WDR82: variants seen among roughly 807,000 people sequenced by gnomAD.
The protein encoded by WDR82 is WD repeat domain 82.
WDR82 carries 8 observed loss-of-function variants against 36.1 expected under a neutral mutation model. That is an observed-to-expected ratio of 0.22 (90% CI 0.13 to 0.40). The LOEUF (loss-of-function observed/expected upper bound fraction) is 0.40. Ranked by LOEUF, WDR82 falls within the 10% of genes least tolerant of loss-of-function variation. WDR82 has a pLI of 1.00. For missense variants in WDR82, 185 were observed against 400.5 expected (o/e 0.46, Z 4.59); for synonymous variants, 129 against 137.8 (o/e 0.94, Z 0.45).
At chr3:52,267,039 TATG>T (rs748091001) in intron 2 of WDR82, 21 bp from the exon 3 acceptor site, 2 of 1,578,738 alleles carry the variant, frequency 1.3e-6, no homozygotes, top group African/African-American at 1.4e-5. Context: ...ACAAACAAGG[TATG>T]ATGATATCAT....
chr3:52,273,537 C>T (rs1296409350), intron 1 of WDR82, among the ~76,000 whole-genome samples: 1 of 152,044 alleles, frequency 6.6e-6, no homozygotes, highest in Non-Finnish European at 1.5e-5. Context: ...GTCTATTTGT[C>T]TCAAATTTAT....
rs112084287 is a variant in WDR82, at chr3:52,271,438, C to T, written c.162-629G>A. On this transcript the variant is annotated intron_variant, in intron 1 of 8. Transcript: ENST00000296490. Reference sequence around the variant, plus strand: ...TGCAACAAAAACTCACGTGATGATCCCCATCTAAGTGATGCATGGCTGTAC... The same window carrying T: ...TGCAACAAAAACTCACGTGATGATCTCCATCTAAGTGATGCATGGCTGTAC... Among the ~76,000 whole-genome samples, 1,476 of 152,222 alleles carry T rather than the reference C, an allele frequency of 9.7e-3. 20 individuals carry two copies. The highest frequency in any genetic ancestry group is 0.033 in the African/African-American group (1,372 of 41,526).
chr3:52,257,912 G>C (rs773999375), intron 8 of WDR82, among the ~76,000 whole-genome samples: 5 of 151,564 alleles, frequency 3.3e-5, no homozygotes, highest in Non-Finnish European at 7.4e-5. Context: ...TGGTTTTGCT[G>C]TATTTTTTCT....
In WDR82 at chr3:52,259,705, C is replaced by T. The variant is rs1355457947; in HGVS notation, c.699+12G>A. 6.2e-7 allele frequency: 1 copy of T among 1,607,726 alleles called. No individual in the cohort carries two copies. The highest frequency in any genetic ancestry group is 1.3e-5 in the African/African-American group (1 of 74,722). On this transcript the variant is annotated intron_variant, in intron 6 of 8. Transcript: ENST00000296490. Reference sequence around the variant, plus strand: ...GCATGGAAACAGCCATGCTTGAAGGCTGTCAGCTCACCCCAAATGTGTGCA... The same window carrying T: ...GCATGGAAACAGCCATGCTTGAAGGTTGTCAGCTCACCCCAAATGTGTGCA...
chr3:52,275,633 C>A (rs543868232), intron 1 of WDR82, among the ~76,000 whole-genome samples: 14 of 152,188 alleles, frequency 9.2e-5, no homozygotes, highest in Non-Finnish European at 1.8e-4. Context: ...TGCCTGGAAT[C>A]CCAGCACTTT....
chr3:52,278,162 G>T, intron 1 of WDR82, 39 bp downstream of exon 1: 2 of 1,530,424 alleles, frequency 1.3e-6, no homozygotes, highest in Non-Finnish European at 1.8e-6. Context: ...ACCGGAGGGA[G>T]GCACTGAGAC....
chr3:52,258,003 G>A (rs902598300), intron 8 of WDR82, among the ~76,000 whole-genome samples: 6 of 151,992 alleles, frequency 3.9e-5, no homozygotes, highest in Admixed American at 6.6e-5. Context: ...TCTCATCCCC[G>A]AATACCCAGG....
chr3:52,261,732 C>T (rs1700063401), intron 3 of WDR82, among the ~76,000 whole-genome samples: 1 of 152,050 alleles, frequency 6.6e-6, no homozygotes, highest in African/African-American at 2.4e-5. Context: ...CAATGAAATA[C>T]TACTCCACAC....
Position 52,278,567 on chromosome 3 carries a change from C to A in WDR82, c.-206G>T. 4.7e-6 allele frequency: 2 copies of A among 428,332 alleles called. No individual in the cohort carries two copies. The highest frequency in any genetic ancestry group is 7.9e-6 in the Non-Finnish European group (2 of 253,634). 26.5% of individuals were successfully genotyped at this position (428,332 alleles called of 1,614,324 possible). ...GGACTGTGGAGCCTCGCCGACCGTT[C>A]GTCCTCACAGCCACCTCACGGACAA... On this transcript the variant is annotated 5_prime_UTR_variant, in exon 1 of 9. Transcript: ENST00000296490.
chr3:52,272,373 A>G (rs1164954677), intron 1 of WDR82, among the ~76,000 whole-genome samples: 1 of 151,738 alleles, frequency 6.6e-6, no homozygotes, highest in East Asian at 1.9e-4. Context: ...GCGAAACGCT[A>G]TCTCTACTAA....
intron 1 of WDR82, 126 bp from the exon 2 acceptor site, chr3:52,270,935 G>T: frequency 1.7e-6 from 1 of 597,224 alleles, no homozygotes; most frequent in African/African-American, 1.9e-5. Context: ...TCTAACACTG[G>T]AAAGAAACAA....
Position 52,261,376 on chromosome 3 carries a change from T to C in WDR82, c.426+4A>G. Reference sequence around the variant, plus strand: ...CAAAAAGTATAACTGTGAGGTACCATTACCTGGCAGTTAGGAGACCGGAGA... The same window carrying C: ...CAAAAAGTATAACTGTGAGGTACCACTACCTGGCAGTTAGGAGACCGGAGA... On this transcript the variant is annotated splice_donor_region_variant and intron_variant, in intron 4 of 8. Transcript: ENST00000296490. 2 of 1,609,738 alleles carry C rather than the reference T, an allele frequency of 1.2e-6. No homozygotes were observed. The highest frequency in any genetic ancestry group is 1.7e-6 in the Non-Finnish European group (2 of 1,178,212).
rs1280414406 is a variant in WDR82, at chr3:52,255,810, T to C, written c.*1680A>G. The C allele has an allele frequency of 6.6e-6, 1 of 152,198 alleles. No homozygotes were observed. The highest frequency in any genetic ancestry group is 2.4e-5 in the African/African-American group (1 of 41,434). The allele number at this position is 152,198 out of a possible 1,614,324, so 9.4% of individuals were successfully genotyped here. A position where few individuals can be genotyped will look rare whatever the true frequency, so the allele number is the denominator to read the frequency against. On this transcript the variant is annotated 3_prime_UTR_variant, in exon 9 of 9. Transcript: ENST00000296490. ...TAGTAAAATGACATACTCCTCTCTC[T>C]GCTCTAAGAAGGCCATGAGCCAGCT...
In WDR82 at chr3:52,255,081, T is replaced by C. The variant is rs559323870; in HGVS notation, c.*2409A>G. ...CCTCAGCCTCCCAAGTAGCTGAGAT[T>C]ATAGGCGCATGCCACCACGCCCGGC... is the stretch of plus-strand genomic sequence containing the variant. On this transcript the variant is annotated 3_prime_UTR_variant, in exon 9 of 9. Transcript: ENST00000296490. 1 of 152,382 alleles carries C rather than the reference T, an allele frequency of 6.6e-6. No individual in the cohort carries two copies. The highest frequency in any genetic ancestry group is 2.4e-5 in the African/African-American group (1 of 41,488). 9.4% of individuals were successfully genotyped at this position (152,382 alleles called of 1,614,324 possible). A position where few individuals can be genotyped will look rare whatever the true frequency, so the allele number is the denominator to read the frequency against.
At chr3:52,257,947 A>G (rs1227528364) in intron 8 of WDR82, among the ~76,000 whole-genome samples, 1 of 152,210 alleles carries the variant, frequency 6.6e-6, no homozygotes, top group Non-Finnish European at 1.5e-5. Flanking sequence ...GGTTAAAAAA[A>G]AAAAGCAAGG....
At chr3:52,263,109 C>A (rs1290428620) in intron 3 of WDR82, among the ~76,000 whole-genome samples, 1 of 152,208 alleles carries the variant, frequency 6.6e-6, no homozygotes, top group Non-Finnish European at 1.5e-5. Context: ...GCCTGGGAAA[C>A]AGAGCAAGGC....
chr3:52,270,815 A>G lies in WDR82; in HGVS notation c.162-6T>C. ...TGTACAGGGTTCTCTTTGGTCTGAT[A>G]AGAAAATAGAGACAGAAAATCATGA... On this transcript the variant is annotated splice_polypyrimidine_tract_variant and splice_region_variant and intron_variant, in intron 1 of 8. Transcript: ENST00000296490. 6.4e-7 allele frequency: 1 copy of G among 1,573,932 alleles called. No homozygotes were observed. The highest frequency in any genetic ancestry group is 8.6e-7 in the Non-Finnish European group (1 of 1,160,018).
chr3:52,265,597 G>T (rs2107335827), intron 3 of WDR82, among the ~76,000 whole-genome samples: 1 of 145,780 alleles, frequency 6.9e-6, no homozygotes, highest in East Asian at 2.0e-4. Context: ...TTTGAGACAG[G>T]GTCTTGCTCT....
chr3:52,275,543 A>C (rs1439255527), intron 1 of WDR82, among the ~76,000 whole-genome samples: 1 of 152,140 alleles, frequency 6.6e-6, no homozygotes, highest in Admixed American at 6.5e-5. Flanking sequence ...TAAATTTCCT[A>C]ATTTGGATAA....
Sources: allele counts gnomAD v4.1 joint callset (sites outside exome capture counted in the v4.1 genomes callset), GRCh38; gene constraint gnomAD v4.1.1; transcripts MANE v1.5; gene names NCBI Gene and HGNC (gene_info 2026-07-23, HGNC 2026-07-21).